CLOCK: variants seen among roughly 807,000 people sequenced by gnomAD.
CLOCK encodes the protein circadian locomoter output cycles protein kaput.
A neutral mutation model predicts 118.4 loss-of-function variants in CLOCK; 43 were observed. That is an observed-to-expected ratio of 0.36 (90% CI 0.28 to 0.47). The LOEUF (loss-of-function observed/expected upper bound fraction) is 0.47. Among genes scored for constraint, CLOCK ranks in the 20% least tolerant of loss-of-function variants. The pLI, the probability that CLOCK is intolerant of heterozygous loss-of-function variation, is 1.00. For missense variants in CLOCK, 846 were observed against 999.9 expected (o/e 0.85, Z 2.08); for synonymous variants, 326 against 339.2 (o/e 0.96, Z 0.43).
At chr4:55,438,779 A>G (rs182899035) in intron 21 of CLOCK, among the ~76,000 whole-genome samples, 42 of 152,346 alleles carry the variant, frequency 2.8e-4, no homozygotes, top group Admixed American at 1.8e-3. Flanking sequence ...GGATATCCAC[A>G]TTCAAAAGAA....
chr4:55,468,808 C>A (rs562570459), intron 8 of CLOCK, among the ~76,000 whole-genome samples: 40 of 152,288 alleles, frequency 2.6e-4, no homozygotes, highest in Non-Finnish European at 4.1e-4. Context: ...AGTGGTAAGA[C>A]CTTGCACTGC....
rs760137985 is a variant in CLOCK, at chr4:55,456,283, T to C, written c.810A>G (p.Glu270=). 9 of 1,594,220 alleles carry C rather than the reference T, an allele frequency of 5.6e-6. No homozygotes were observed. The African/African-American group carries it at 1.1e-4, about 19-fold the overall frequency. The part of the protein sequence containing the change: ...PQFIKEMCTV[E]EPNEEFTSRH... ...TAGATGTAAACTCTTCATTGGGTTC[T>C]TCAACAGTGCACATTTCCTACAAAT... Residue 270 remains glutamate (E), a synonymous_variant, in exon 12 of 23, where the codon GAA becomes GAG. Transcript: ENST00000513440.
intron 1 of CLOCK, among the ~76,000 whole-genome samples, chr4:55,531,243 A>C (rs1052911525): frequency 6.6e-6 from 1 of 152,132 alleles, no homozygotes; most frequent in Non-Finnish European, 1.5e-5. Flanking sequence ...AAAAAAAAAT[A>C]GCCCCAGCAC....
chr4:55,449,788 C>T lies in CLOCK; in HGVS notation c.1349-292G>A, dbSNP rs370085120. Among the ~76,000 whole-genome samples, 84 of 150,800 alleles carry T rather than the reference C, an allele frequency of 5.6e-4. 1 individual carries two copies. The South Asian group carries it at 0.017, about 31-fold the overall frequency. The stretch of plus-strand genomic sequence containing the variant: ...AATAAAAAACTTTCAAAAAGCAAAC[C>T]TAAGAACACTTACTGGCCCTACAGT... On this transcript the variant is annotated intron_variant, in intron 16 of 22. Transcript: ENST00000513440.
At position 55,506,768 on chromosome 4, in the gene CLOCK, C is replaced by A. The variant is rs188630631; in HGVS notation, c.-136+3144G>T. Among the ~76,000 whole-genome samples, 3 of 152,118 alleles carry A rather than the reference C, an allele frequency of 2.0e-5. No individual in the cohort carries two copies. The East Asian group carries it at 5.8e-4, about 30-fold the overall frequency. On this transcript the variant is annotated intron_variant, in intron 2 of 22. Coordinates refer to ENST00000513440, the MANE Select transcript of CLOCK (RefSeq NM_004898.4). Reference sequence around the variant, plus strand: ...TAGAGATGGGGTTTTACCACGCTGGCCAGGCTGGTCTCAAACTCCTGACCA... The same window carrying A: ...TAGAGATGGGGTTTTACCACGCTGGACAGGCTGGTCTCAAACTCCTGACCA...
intron 9 of CLOCK, among the ~76,000 whole-genome samples, chr4:55,462,263 T>A (rs186342575): frequency 6.6e-6 from 1 of 152,316 alleles, no homozygotes; most frequent in East Asian, 1.9e-4. Context: ...TTTGTCTTCC[T>A]ATTGCTATCT....
chr4:55,431,968 A>C lies in CLOCK; in HGVS notation c.*3447T>G, dbSNP rs1046284345. ...AGCGTCAAGCAGACTGCTTTAAGGC[A>C]ATGACCAACAACTACAGCACTTCTG... On this transcript the variant is annotated 3_prime_UTR_variant, in exon 23 of 23. Coordinates refer to ENST00000513440, the MANE Select transcript of CLOCK (RefSeq NM_004898.4). 2 of 152,230 alleles carry C rather than the reference A, an allele frequency of 1.3e-5. No homozygotes were observed. The highest frequency in any genetic ancestry group is 4.8e-5 in the African/African-American group (2 of 41,476). The allele number at this position is 152,230 out of a possible 1,614,324, so 9.4% of individuals were successfully genotyped here.
At chr4:55,459,878 T>C (rs1213177778) in intron 9 of CLOCK, among the ~76,000 whole-genome samples, 1 of 152,124 alleles carries the variant, frequency 6.6e-6, no homozygotes, top group Non-Finnish European at 1.5e-5. Flanking sequence ...CCCAGGCTGG[T>C]TGCAAGCTTC....
At chr4:55,480,019 T>C (rs923804809) in intron 4 of CLOCK, among the ~76,000 whole-genome samples, 1 of 152,208 alleles carries the variant, frequency 6.6e-6, no homozygotes, top group Non-Finnish European at 1.5e-5. Context: ...AGAAAGTCAG[T>C]GTTTGCCATT....
chr4:55,455,626 T>C (rs893879985), intron 13 of CLOCK, among the ~76,000 whole-genome samples: 1 of 152,192 alleles, frequency 6.6e-6, no homozygotes, highest in African/African-American at 2.4e-5. Flanking sequence ...AGGAATCTAC[T>C]TCTCTTACTC....
rs555667327 is a variant in CLOCK at position 55,494,540 on chromosome 4, T to C, written c.-135-5075A>G. ...TGGCAAGTTAAAGGCATAAGAATGA[T>C]ACAATGGACCATGGGGACTCGGGGA... On this transcript the variant is annotated intron_variant, in intron 2 of 22. Coordinates refer to ENST00000513440, the MANE Select transcript of CLOCK (RefSeq NM_004898.4). Among the ~76,000 whole-genome samples, 8 of 151,764 alleles carry C rather than the reference T, an allele frequency of 5.3e-5. No homozygotes were observed. In the East Asian group the frequency reaches 5.8e-4, roughly 11 times the overall value.
At chr4:55,477,736 TAAGC>T (rs940042749) in intron 6 of CLOCK, among the ~76,000 whole-genome samples, 2 of 151,812 alleles carry the variant, frequency 1.3e-5, no homozygotes, top group African/African-American at 4.8e-5. Context: ...TGGAATGAGA[TAAGC>T]AAGAGAAAGA....
chr4:55,453,150 C>A, intron 14 of CLOCK, 21 bp from the exon 15 acceptor site: 1 of 1,592,070 alleles, frequency 6.3e-7, no homozygotes, highest in South Asian at 1.1e-5. Context: ...AAAAAATAAT[C>A]AAATTTTAGT....
At chr4:55,504,893 A>G (rs192446371) in intron 2 of CLOCK, among the ~76,000 whole-genome samples, 2 of 152,354 alleles carry the variant, frequency 1.3e-5, no homozygotes, top group East Asian at 3.9e-4. Context: ...CCAGCAAAGA[A>G]TCGCAGAACA....
At chr4:55,442,225 C>T (rs1438366607) in intron 21 of CLOCK, 3 of 557,912 alleles carry the variant, frequency 5.4e-6, no homozygotes, top group Admixed American at 3.1e-5. Flanking sequence ...TATTTTTGGA[C>T]AAGAAAAAAA....
At chr4:55,467,737 CA>C (rs1171764466) in intron 8 of CLOCK, among the ~76,000 whole-genome samples, 1 of 152,122 alleles carries the variant, frequency 6.6e-6, no homozygotes, top group Non-Finnish European at 1.5e-5. Context: ...CCAGAAAACT[CA>C]GTTAATCAGT....
chr4:55,534,062 T>C (rs910158441), intron 1 of CLOCK, among the ~76,000 whole-genome samples: 1 of 152,332 alleles, frequency 6.6e-6, no homozygotes, highest in African/African-American at 2.4e-5. Flanking sequence ...AAGAACCCAA[T>C]AGTAATAAAA....
chr4:55,480,160 A>T (rs1298303937), intron 4 of CLOCK, among the ~76,000 whole-genome samples: 1 of 152,228 alleles, frequency 6.6e-6, no homozygotes, highest in Admixed American at 6.5e-5. Flanking sequence ...TCATTCATTT[A>T]CTAATTCATT....
At chr4:55,463,035 A>G (rs891818110) in intron 9 of CLOCK, among the ~76,000 whole-genome samples, 2 of 152,190 alleles carry the variant, frequency 1.3e-5, no homozygotes, top group Non-Finnish European at 2.9e-5. Context: ...ACAATTCTGG[A>G]TTTTATACAG....
Sources: gnomAD v4.1 joint callset for allele counts (sites outside exome capture counted in the v4.1 genomes callset) on GRCh38, gnomAD v4.1.1 for gene constraint, MANE v1.5 for transcripts, NCBI Gene and HGNC (gene_info 2026-07-23, HGNC 2026-07-21) for gene names.